PWWP2B: variants seen among roughly 807,000 people sequenced by gnomAD.
The protein encoded by PWWP2B is PWWP domain-containing protein 2B.
Under a neutral mutation model 15.5 loss-of-function variants are expected in PWWP2B, and 9 were observed. The ratio of observed to expected loss-of-function variants is 0.58; its 90% CI spans 0.35 to 1.02. The LOEUF (loss-of-function observed/expected upper bound fraction) is 1.02, where lower values mean the gene tolerates loss of function less well. Ranked by LOEUF, PWWP2B falls within the 50% of genes least tolerant of loss-of-function variation. The pLI is 0.02. For synonymous variants in PWWP2B, 474 were observed against 403.6 expected (o/e 1.17, Z -2.09); for missense variants, 864 against 865.3 (o/e 1.00, Z 0.02).
chr10:132,405,893 G>A lies in PWWP2B; in HGVS notation c.1393G>A (p.Val465Met). Residue 465 changes from valine to methionine, a missense_variant, in exon 2 of 3, where the codon GTG (valine) becomes ATG (methionine). Physicochemically the swap from Val to Met is conservative, Grantham distance 21. Transcript: ENST00000305233. ...PSVSREARQT[V>M]PPLTVRLHTQ... ...GGTGTCCAGAGAGGCTCGCCAAACGGTGCCGCCCCTGACGGTCAGGCTGCA... is the reference window on the plus strand; with the variant it reads ...GGTGTCCAGAGAGGCTCGCCAAACGATGCCGCCCCTGACGGTCAGGCTGCA... 6.2e-7 allele frequency: 1 copy of A among 1,611,812 alleles called. No individual in the cohort carries two copies. Among genetic ancestry groups the A allele is most frequent in the Non-Finnish European group, 8.5e-7 (1 of 1,179,168 alleles).
Position 132,417,066 on chromosome 10 carries a change from C to T in PWWP2B, c.*22C>T, listed in dbSNP as rs184631562. The T allele has an allele frequency of 2.2e-3, 3,532 of 1,613,656 alleles. 27 individuals are homozygous for T. Among genetic ancestry groups the T allele is most frequent in the Non-Finnish European group, 1.2e-3 (1,429 of 1,179,682 alleles). ...CCTTTTTGCTTTCCCCCAAGGTCAC[C>T]GACGATGAGGGCGCACCTGCTGTCC... On this transcript the variant is annotated 3_prime_UTR_variant, in exon 3 of 3. Transcript: ENST00000305233.
Position 132,417,498 on chromosome 10 carries a change from G to A in PWWP2B, c.*454G>A, listed in dbSNP as rs2069877908. On this transcript the variant is annotated 3_prime_UTR_variant, in exon 3 of 3. Coordinates refer to ENST00000305233, the MANE Select transcript of PWWP2B (RefSeq NM_138499.4). ...CCTGCCTCGCAGTGTCCTGGAGGCAGCTGTCTCGCAGACTCAGCTTGGTCT... is the reference window on the plus strand; with the variant it reads ...CCTGCCTCGCAGTGTCCTGGAGGCAACTGTCTCGCAGACTCAGCTTGGTCT... The A allele has an allele frequency of 5.0e-6, 1 of 198,192 alleles. No individual in the cohort carries two copies. The highest frequency in any genetic ancestry group is 1.0e-5 in the Non-Finnish European group (1 of 96,974). 12.3% of individuals were successfully genotyped at this position (198,192 alleles called of 1,614,324 possible).
chr10:132,414,020 T>C (rs2069813786), intron 2 of PWWP2B, among the ~76,000 whole-genome samples: 2 of 152,210 alleles, frequency 1.3e-5, no homozygotes, highest in African/African-American at 4.8e-5. Flanking sequence ...ACACCTCATG[T>C]CCTGGAGGCC....
In PWWP2B at chr10:132,397,245, T is replaced by C; in HGVS notation, c.19T>C (p.Cys7Arg). 4 of 1,263,050 alleles carry C rather than the reference T, an allele frequency of 3.2e-6. No individual in the cohort carries two copies. Among genetic ancestry groups the C allele is most frequent in the South Asian group, 2.5e-5 (1 of 40,556 alleles). 78.2% of individuals were successfully genotyped at this position (1,263,050 alleles called of 1,614,324 possible). A position where few individuals can be genotyped will look rare whatever the true frequency, so the allele number is the denominator to read the frequency against. The change falls in exon 1 of 3, where the codon TGC (cysteine) becomes CGC (arginine). Residue 7 changes from cysteine to arginine, a missense_variant. Coordinates refer to ENST00000305233, the MANE Select transcript of PWWP2B (RefSeq NM_138499.4). Reference sequence around the variant, plus strand: ...CGGGAGCATGGAGCCGCGCGCCGGCTGCCGGCTGCCGGTGCGGGTGGAGCA... The same window carrying C: ...CGGGAGCATGGAGCCGCGCGCCGGCCGCCGGCTGCCGGTGCGGGTGGAGCA... MEPRAG[C>R]RLPVRVEQVV... is the part of the protein sequence containing the mutation.
chr10:132,404,804 C>A lies in PWWP2B; in HGVS notation c.304C>A (p.Pro102Thr). The A allele has an allele frequency of 6.5e-7, 1 of 1,531,422 alleles. No individual in the cohort carries two copies. The highest frequency in any genetic ancestry group is 1.8e-5 in the Admixed American group (1 of 56,686). The allele number at this position is 1,531,422 out of a possible 1,614,324, so 94.9% of individuals were successfully genotyped here. A position where few individuals can be genotyped will look rare whatever the true frequency, so the allele number is the denominator to read the frequency against. ...CCCCGAGACCACCCGCCCCGAGCCA[C>A]CCCCGCCCCTCGTGCCGCCGCTGCC... ...QPPETTRPEPPPPLVPPLPAG... is the reference protein window; with the variant it reads ...QPPETTRPEPTPPLVPPLPAG... The change falls in exon 2 of 3, where the codon CCC becomes ACC. Residue 102 changes from proline (P) to threonine (T), a missense_variant. Physicochemically the swap from Pro to Thr is conservative, Grantham distance 38. Around this residue, in one of 2 missense-constraint regions of PWWP2B, gnomAD observed 736 missense variants for 687.7 expected, o/e 1.07. Transcript: ENST00000305233.
intron 1 of PWWP2B, among the ~76,000 whole-genome samples, chr10:132,397,839 C>T (rs895371718): frequency 1.3e-5 from 2 of 152,186 alleles, no homozygotes; most frequent in African/African-American, 2.4e-5. Flanking sequence ...AGCAGTTGCG[C>T]CCAGCTGTGC....
chr10:132,398,641 G>T lies in PWWP2B; in HGVS notation c.125+1290G>T, dbSNP rs550242087. ...CTGAGAATATCTGCAGTGGCCTCGGGCTCTCCTCCCTGAGGCCCATGGCTA... is the reference window on the plus strand; with the variant it reads ...CTGAGAATATCTGCAGTGGCCTCGGTCTCTCCTCCCTGAGGCCCATGGCTA... On this transcript the variant is annotated intron_variant, in intron 1 of 2. Transcript: ENST00000305233. Among the ~76,000 whole-genome samples the T allele has an allele frequency of 4.3e-4, 65 of 152,352 alleles. 1 individual carries two copies. Among genetic ancestry groups the T allele is most frequent in the African/African-American group, 1.5e-3 (63 of 41,576 alleles).
intron 1 of PWWP2B, among the ~76,000 whole-genome samples, chr10:132,400,154 G>A (rs2069597157): frequency 6.6e-6 from 1 of 152,204 alleles, no homozygotes; most frequent in Admixed American, 6.5e-5. Context: ...CCAAGCGGGG[G>A]AGCACCTGGG....
chr10:132,415,537 G>A (rs1467962415), intron 2 of PWWP2B, among the ~76,000 whole-genome samples: 10 of 125,660 alleles, frequency 8.0e-5, no homozygotes, highest in Admixed American at 5.6e-4. Context: ...TCACACACAC[G>A]CACTCTCACA....
chr10:132,412,582 C>T (rs1009446525), intron 2 of PWWP2B, among the ~76,000 whole-genome samples: 3 of 152,214 alleles, frequency 2.0e-5, no homozygotes, highest in Non-Finnish European at 4.4e-5. Flanking sequence ...CAAGTTCACC[C>T]AGGTTTTCAC....
chr10:132,417,099 T>C lies in PWWP2B; in HGVS notation c.*55T>C. 6.2e-7 allele frequency: 1 copy of C among 1,613,580 alleles called. No homozygotes were observed. Reference sequence around the variant, plus strand: ...AGGGCGCACCTGCTGTCCTGGAGCTTCCGATCTCTGTTCGGGGACCCTGTG... The same window carrying C: ...AGGGCGCACCTGCTGTCCTGGAGCTCCCGATCTCTGTTCGGGGACCCTGTG... On this transcript the variant is annotated 3_prime_UTR_variant, in exon 3 of 3. Transcript: ENST00000305233.
chr10:132,397,454 C>G, intron 1 of PWWP2B, 103 bp downstream of exon 1: 1 of 1,088,464 alleles, frequency 9.2e-7, no homozygotes, highest in Non-Finnish European at 1.1e-6. Context: ...GGTGGCGTGG[C>G]CCCGGCGCCC....
chr10:132,399,405 G>A (rs368145028), intron 1 of PWWP2B, among the ~76,000 whole-genome samples: 14 of 152,364 alleles, frequency 9.2e-5, no homozygotes, highest in South Asian at 2.1e-4. Context: ...TGGCGGCCCC[G>A]CTCACACAGG....
Position 132,405,749 on chromosome 10 carries a change from T to C in PWWP2B, c.1249T>C (p.Cys417Arg), listed in dbSNP as rs770702231. ...CAGCTGCCCTGAGGGGAGAGCGGAC[T>C]GTGCCAGTGAGTCGGCGTGCAGCAG... Reference protein sequence around the residue: ...LVSCPEGRADCASESACSSDS... With the variant: ...LVSCPEGRADRASESACSSDS... The change falls in exon 2 of 3, where the codon TGT (cysteine) becomes CGT (arginine). Residue 417 changes from cysteine (C) to arginine (R), a missense_variant. Physicochemically the swap from Cys to Arg is radical, Grantham distance 180 (BLOSUM62 -3). Coordinates refer to ENST00000305233, the MANE Select transcript of PWWP2B (RefSeq NM_138499.4). 5 of 1,608,550 alleles carry C rather than the reference T, an allele frequency of 3.1e-6. No homozygotes were observed. The African/African-American group carries it at 6.7e-5, about 21-fold the overall frequency.
Position 132,417,224 on chromosome 10 carries a change from C to T in PWWP2B, c.*180C>T, listed in dbSNP as rs945238575. On this transcript the variant is annotated 3_prime_UTR_variant, in exon 3 of 3. Coordinates refer to ENST00000305233, the MANE Select transcript of PWWP2B (RefSeq NM_138499.4). ...CAGTGTGTCCAGGGAGGGGATGGCC[C>T]TGAGCCCAGCGGCTCCTCCCGCTGA... The T allele has an allele frequency of 9.5e-6, 8 of 843,584 alleles. No individual in the cohort carries two copies. In the East Asian group the frequency reaches 2.0e-4, roughly 21 times the overall value. The allele number at this position is 843,584 out of a possible 1,614,324, so 52.3% of individuals were successfully genotyped here. A position where few individuals can be genotyped will look rare whatever the true frequency, so the allele number is the denominator to read the frequency against.
chr10:132,402,737 G>T (rs1157118529), intron 1 of PWWP2B, among the ~76,000 whole-genome samples: 1 of 152,222 alleles, frequency 6.6e-6, no homozygotes, highest in East Asian at 1.9e-4. Context: ...GCTGGTTTTG[G>T]GCAAAGGCTC....
chr10:132,403,172 A>T (rs1409255952), intron 1 of PWWP2B, among the ~76,000 whole-genome samples: 1 of 152,202 alleles, frequency 6.6e-6, no homozygotes, highest in Non-Finnish European at 1.5e-5. Context: ...GCCTGGCCAG[A>T]GGAGAATGGG....
In PWWP2B at chr10:132,405,850, CGGCGCGTCAGCGCCCTCGGTGTCCAGAGA is replaced by C; in HGVS notation, c.1354_1382del (p.Ala452SerfsTer36). On this transcript the variant is annotated frameshift_variant, in exon 2 of 3. Coordinates refer to ENST00000305233, the MANE Select transcript of PWWP2B (RefSeq NM_138499.4). LOFTEE classifies it low-confidence loss of function (END_TRUNC). The stretch of plus-strand genomic sequence containing the variant: ...ACACGGGTGACCTCTCGCCTGGCCA[CGGCGCGTCAGCGCCCTCGGTGTCCAGAGA>C]GGCTCGCCAAACGGTGCCGCCCCTG... 6.2e-7 allele frequency: 1 copy of C among 1,610,796 alleles called. No homozygotes were observed. The highest frequency in any genetic ancestry group is 8.5e-7 in the Non-Finnish European group (1 of 1,179,282).
At chr10:132,409,850 G>A (rs1430792982) in intron 2 of PWWP2B, among the ~76,000 whole-genome samples, 1 of 151,956 alleles carries the variant, frequency 6.6e-6, no homozygotes, top group Admixed American at 6.5e-5. Flanking sequence ...AGGCTTCCTG[G>A]AGGAGGTGGC....
Sources: allele counts gnomAD v4.1 joint callset (sites outside exome capture counted in the v4.1 genomes callset), GRCh38; gene constraint gnomAD v4.1.1; regional missense constraint gnomAD v4.1.1; transcripts MANE v1.5; gene names NCBI Gene and HGNC (gene_info 2026-07-23, HGNC 2026-07-21).